ARL6IP6: variants seen among roughly 807,000 people sequenced by gnomAD.
ARL6IP6 encodes ADP-ribosylation factor-like protein 6-interacting protein 6.
A neutral mutation model predicts 21.5 loss-of-function variants in ARL6IP6; 22 were observed. The observed-to-expected ratio is 1.02, with a 90% confidence interval of 0.73 to 1.46. The LOEUF is 1.46. Ranked by LOEUF, ARL6IP6 falls within the 40% of genes most tolerant of loss-of-function variation. ARL6IP6 has a pLI of 0.00. For synonymous variants in ARL6IP6, 164 were observed against 125.3 expected (o/e 1.31, Z -2.06); for missense variants, 388 against 299.8 (o/e 1.29, Z -2.17).
At chr2:152,718,206 TG>T (rs1338359128), upstream of ARL6IP6, 1 of 489,936 alleles carries the variant, frequency 2.0e-6, no homozygotes, top group East Asian at 1.4e-4. Flanking sequence ...TTCGGGAATG[TG>T]TCTCCGAGGG....
At chr2:152,743,021 G>A (rs573641925) in intron 3 of ARL6IP6, among the ~76,000 whole-genome samples, 1 of 152,182 alleles carries the variant, frequency 6.6e-6, no homozygotes, top group East Asian at 1.9e-4. Context: ...AATTGAAACA[G>A]CATCATTTTA....
At chr2:152,735,588 A>T (rs1700514631) in intron 3 of ARL6IP6, among the ~76,000 whole-genome samples, 1 of 152,200 alleles carries the variant, frequency 6.6e-6, no homozygotes, top group African/African-American at 2.4e-5. Flanking sequence ...TCTAGACCAG[A>T]TTGGATGCTT....
chr2:152,719,943 C>G (rs1330354090), intron 1 of ARL6IP6: 2 of 351,798 alleles, frequency 5.7e-6, no homozygotes, highest in Non-Finnish European at 1.2e-5. Flanking sequence ...CCTTACAATG[C>G]TTGATTTTCA....
chr2:152,726,323 G>T (rs1440359675), intron 2 of ARL6IP6, among the ~76,000 whole-genome samples: 1 of 152,040 alleles, frequency 6.6e-6, no homozygotes, highest in Admixed American at 6.6e-5. Flanking sequence ...GGGCGATTGG[G>T]TGAAGGCCTT....
At chr2:152,720,431 T>A in intron 1 of ARL6IP6, 102 bp from the exon 2 acceptor site, 5 of 1,146,514 alleles carry the variant, frequency 4.4e-6, no homozygotes, top group Non-Finnish European at 3.9e-6. Flanking sequence ...TCTTTGTGAC[T>A]CCAGAGCACT....
At chr2:152,732,024 C>A (rs1347182240) in intron 2 of ARL6IP6, among the ~76,000 whole-genome samples, 2 of 151,860 alleles carry the variant, frequency 1.3e-5, no homozygotes, top group African/African-American at 4.8e-5. Context: ...CTTAATTAAC[C>A]AATCCTTTAC....
At chr2:152,746,803 C>G (rs1701071381) in intron 3 of ARL6IP6, among the ~76,000 whole-genome samples, 1 of 125,724 alleles carries the variant, frequency 8.0e-6, no homozygotes, top group Non-Finnish European at 1.8e-5. Flanking sequence ...TGTTATTTAT[C>G]CTGAGATTTT....
intron 3 of ARL6IP6, among the ~76,000 whole-genome samples, chr2:152,749,818 A>C (rs182034139): frequency 9.0e-4 from 137 of 152,330 alleles, no homozygotes; most frequent in African/African-American, 3.2e-3. Flanking sequence ...AATTCTCTAG[A>C]ACCAGAAAAA....
chr2:152,755,991 ACT>A (rs2105190810), intron 3 of ARL6IP6, among the ~76,000 whole-genome samples: 1 of 152,146 alleles, frequency 6.6e-6, no homozygotes, highest in East Asian at 1.9e-4. Flanking sequence ...ATCTTAGTAG[ACT>A]CTATCAGATA....
At chr2:152,723,542 C>T (rs747691529) in intron 2 of ARL6IP6, among the ~76,000 whole-genome samples, 4 of 152,122 alleles carry the variant, frequency 2.6e-5, no homozygotes, top group Admixed American at 1.3e-4. Context: ...GAAAAAGCAA[C>T]GTGAGCACAG....
chr2:152,759,668 T>C, intron 3 of ARL6IP6, 79 bp from the exon 4 acceptor site: 3 of 1,141,602 alleles, frequency 2.6e-6, no homozygotes, highest in Non-Finnish European at 3.9e-6. Context: ...TCATAAGTAT[T>C]TTCGATGAAA....
chr2:152,719,750 GAAAAA>G lies in ARL6IP6; in HGVS notation c.400+746_400+750del, dbSNP rs11328553. ...AGTTTGTGACCTTTGCCAAGTTACT[GAAAAA>G]AAAAAAAAAAAAAAAAAAACAAAAG... On this transcript the variant is annotated intron_variant, in intron 1 of 3. Transcript: ENST00000326446. 5.1e-3 allele frequency: 1,288 copies of G among 254,918 alleles called. 3 individuals are homozygous for G. The highest frequency in any genetic ancestry group is 5.8e-3 in the South Asian group (168 of 29,036). The allele number at this position is 254,918 out of a possible 1,614,324, so 15.8% of individuals were successfully genotyped here. A position where few individuals can be genotyped will look rare whatever the true frequency, so the allele number is the denominator to read the frequency against.
At chr2:152,730,267 C>T (rs929854473) in intron 2 of ARL6IP6, among the ~76,000 whole-genome samples, 2 of 152,132 alleles carry the variant, frequency 1.3e-5, no homozygotes, top group African/African-American at 4.8e-5. Context: ...TGAAAAAGTT[C>T]AACAGGCTTT....
intron 3 of ARL6IP6, among the ~76,000 whole-genome samples, chr2:152,739,384 G>A (rs112640279): frequency 0.042 from 6,337 of 152,202 alleles, 278 homozygotes; most frequent in African/African-American, 0.11. Context: ...TCTCAAGTTC[G>A]AAGTTCCACA....
At chr2:152,754,101 A>G (rs1701468287) in intron 3 of ARL6IP6, among the ~76,000 whole-genome samples, 1 of 151,882 alleles carries the variant, frequency 6.6e-6, no homozygotes, top group Non-Finnish European at 1.5e-5. Flanking sequence ...AAAATGATTA[A>G]GTATTTAATA....
upstream of ARL6IP6, chr2:152,718,359 G>A: frequency 2.6e-6 from 1 of 391,048 alleles, no homozygotes; most frequent in Non-Finnish European, 4.3e-6. Flanking sequence ...GACAGCCTTC[G>A]GCCTCCGCTC....
At chr2:152,725,766 A>C (rs1700016464) in intron 2 of ARL6IP6, among the ~76,000 whole-genome samples, 1 of 152,174 alleles carries the variant, frequency 6.6e-6, no homozygotes, top group Non-Finnish European at 1.5e-5. Flanking sequence ...GTTAGTAAGC[A>C]ATTATTTGCA....
At chr2:152,752,125 TTCTC>T (rs1303863309) in intron 3 of ARL6IP6, among the ~76,000 whole-genome samples, 1 of 152,212 alleles carries the variant, frequency 6.6e-6, no homozygotes, top group Non-Finnish European at 1.5e-5. Flanking sequence ...TCCCTTATCT[TTCTC>T]TTCATGAAAT....
chr2:152,736,767 T>C lies in ARL6IP6; in HGVS notation c.587+1641T>C, dbSNP rs371500503. Among the ~76,000 whole-genome samples, 8 of 152,246 alleles carry C rather than the reference T, an allele frequency of 5.3e-5. No individual in the cohort carries two copies. In the East Asian group the frequency reaches 9.6e-4, roughly 18 times the overall value. On this transcript the variant is annotated intron_variant, in intron 3 of 3. Coordinates refer to ENST00000326446, the MANE Select transcript of ARL6IP6 (RefSeq NM_152522.7). ...ATACAACAATAAAAAGTAATACAAATAAAAAACAGTATAGACAACTATTTA... is the reference window on the plus strand; with the variant it reads ...ATACAACAATAAAAAGTAATACAAACAAAAAACAGTATAGACAACTATTTA...
Sources: allele counts gnomAD v4.1 joint callset (sites outside exome capture counted in the v4.1 genomes callset), GRCh38; gene constraint gnomAD v4.1.1; transcripts MANE v1.5; gene names NCBI Gene and HGNC (gene_info 2026-07-23, HGNC 2026-07-21).